The following MYO1C variants were observed in gnomAD, a reference collection of about 807,000 sequenced individuals.
The protein encoded by MYO1C is unconventional myosin-Ic.
A neutral mutation model predicts 150.8 loss-of-function variants in MYO1C; 104 were observed. The ratio of observed to expected loss-of-function variants is 0.69; its 90% CI spans 0.59 to 0.81. The LOEUF (loss-of-function observed/expected upper bound fraction) is 0.81, where lower values mean the gene tolerates loss of function less well. Among genes scored for constraint, MYO1C ranks in the 30% least tolerant of loss-of-function variants. The pLI is 0.00. For synonymous variants in MYO1C, 663 were observed against 579.9 expected, an observed-to-expected ratio of 1.14 and a Z score of -2.06; for missense variants, 1,504 against 1,435.0, an observed-to-expected ratio of 1.05 and a Z score of -0.78.
Position 1,480,869 on chromosome 17 carries a change from C to T in MYO1C, c.644G>A (p.Gly215Asp), listed in dbSNP as rs762444869. The change falls in exon 6 of 32, where the codon GGC becomes GAC. Residue 215 changes from glycine (G) to aspartate (D), a missense_variant. By Grantham distance (94) the Gly-to-Asp change is moderately conservative (BLOSUM62 -1). Coordinates refer to ENST00000648651, the MANE Select transcript of MYO1C (RefSeq NM_001080779.2). ...QFDFKGAPVGGHILSYLLEKS... is the reference protein window; with the variant it reads ...QFDFKGAPVGDHILSYLLEKS... ...TTCCAGGAGGTAACTGAGGATGTGG[C>T]CACCCACGGGGGCACCCTGTGGGCA... 2 of 1,614,062 alleles carry T rather than the reference C, an allele frequency of 1.2e-6. No homozygotes were observed. Among genetic ancestry groups the T allele is most frequent in the South Asian group, 2.2e-5 (2 of 91,078 alleles).
At chr17:1,477,853 G>T in intron 13 of MYO1C, 38 bp downstream of exon 13, 1 of 1,573,942 alleles carries the variant, frequency 6.4e-7, no homozygotes, top group Non-Finnish European at 8.7e-7. Context: ...CTCCCACCCA[G>T]CCTCCAGCAC....
rs2074585653 is a variant in MYO1C, at chr17:1,483,634, C to G, written c.323G>C (p.Ser108Thr). The change falls in exon 3 of 32, where the codon AGC becomes ACC. Residue 108 changes from serine (S) to threonine (T), a missense_variant. Coordinates refer to ENST00000648651, the MANE Select transcript of MYO1C (RefSeq NM_001080779.2). ...RQHMERYRGV[S>T]FYEVPPHLFA... is the part of the protein sequence containing the mutation. ...CAGGTGAGGGGGCACTTCATAGAAG[C>G]TGACGCCACGGTAACGCTCCATATG... The G allele has an allele frequency of 6.2e-7, 1 of 1,611,656 alleles. No individual in the cohort carries two copies. The highest frequency in any genetic ancestry group is 1.3e-5 in the African/African-American group (1 of 75,004).
chr17:1,479,858 C>T lies in MYO1C; in HGVS notation c.907-153G>A, dbSNP rs1021035441. Among the ~76,000 whole-genome samples, 1 of 151,896 alleles carries T rather than the reference C, an allele frequency of 6.6e-6. No individual in the cohort carries two copies. Among genetic ancestry groups the T allele is most frequent in the African/African-American group, 2.4e-5 (1 of 41,366 alleles). The stretch of plus-strand genomic sequence containing the variant: ...GTGTTAAAGGTGGAAGGTGATTCTG[C>T]GGGTGGGATGGGCACGGTGGCTGAC... On this transcript the variant is annotated intron_variant, in intron 7 of 31. Transcript: ENST00000648651. This position sits in a 1 kb window ranked among gnomAD's most constrained non-coding sequence, Gnocchi z 4.2.
intron 31 of MYO1C, among the ~76,000 whole-genome samples, chr17:1,466,012 G>T (rs2074162413): frequency 6.6e-6 from 1 of 152,024 alleles, no homozygotes; most frequent in South Asian, 2.1e-4. Flanking sequence ...AGTGGTGGGG[G>T]CCTAGTGGTC....
chr17:1,470,111 AG>A, intron 24 of MYO1C, 63 bp downstream of exon 24: 2 of 1,512,458 alleles, frequency 1.3e-6, no homozygotes, highest in Middle Eastern at 2.4e-4. Flanking sequence ...TTTGGCCCGA[AG>A]AAATCAGACC....
At chr17:1,469,497 C>G (rs747797019) in intron 25 of MYO1C, 34 bp downstream of exon 25, 1 of 1,537,358 alleles carries the variant, frequency 6.5e-7, no homozygotes, top group Non-Finnish European at 8.9e-7. Context: ...CCTGACTCCA[C>G]TTCCTCATCC....
At chr17:1,471,875 C>G (rs757563373) in intron 19 of MYO1C, 32 bp downstream of exon 19, 3 of 1,606,124 alleles carry the variant, frequency 1.9e-6, no homozygotes. Context: ...TCCCGCTCCC[C>G]TTCCCTGGCA....
chr17:1,471,456 G>A (rs1033465514), intron 19 of MYO1C, 120 bp from the exon 20 acceptor site: 9 of 796,994 alleles, frequency 1.1e-5, no homozygotes, highest in East Asian at 2.7e-5. Flanking sequence ...CTAGCAGGAG[G>A]CTCACTCGGT....
chr17:1,476,222 A>G (rs148087312), intron 14 of MYO1C, among the ~76,000 whole-genome samples: 2,726 of 151,016 alleles, frequency 0.018, 85 homozygotes, highest in African/African-American at 0.063. Flanking sequence ...TCTGTCATCC[A>G]GGCTGGAGTG....
chr17:1,468,836 C>G (rs1181906514), intron 25 of MYO1C: 1 of 430,518 alleles, frequency 2.3e-6, no homozygotes, highest in Non-Finnish European at 4.4e-6. Context: ...CTCAAGGTTA[C>G]TGGGTGGGCC....
rs747567515 is a variant in MYO1C at position 1,471,897 on chromosome 17, C to A, written c.2021+10G>T. On this transcript the variant is annotated intron_variant, in intron 19 of 31. Transcript: ENST00000648651. ...CCCCTTCCCTGGCACCGAGCAGGAC[C>A]TGCCCCCACCTTTGCAGGAAAGCTT... is the stretch of plus-strand genomic sequence containing the variant. 1.1e-5 allele frequency: 18 copies of A among 1,613,632 alleles called. No homozygotes were observed. Among genetic ancestry groups the A allele is most frequent in the Non-Finnish European group, 1.4e-5 (17 of 1,179,718 alleles).
chr17:1,476,394 A>C (rs1598333308), intron 14 of MYO1C, among the ~76,000 whole-genome samples: 1 of 152,334 alleles, frequency 6.6e-6, no homozygotes, highest in South Asian at 2.1e-4. Context: ...GCTGGTCTTG[A>C]ATTCCTGACC....
chr17:1,488,202 G>A (rs1047823179), intron 1 of MYO1C, among the ~76,000 whole-genome samples: 9 of 152,170 alleles, frequency 5.9e-5, no homozygotes, highest in Admixed American at 5.2e-4. Context: ...ATCCGCGCGC[G>A]GAGGGGTCGG....
In MYO1C at chr17:1,470,378, G is replaced by A. The variant is rs1008054380; in HGVS notation, c.2367-44C>T. ...CAGGGTTGGGGGTGAGGGGCCTGGC[G>A]GTGAACCACCCCCCACGCCCTGCTC... On this transcript the variant is annotated intron_variant, in intron 23 of 31. Coordinates refer to ENST00000648651, the MANE Select transcript of MYO1C (RefSeq NM_001080779.2). 3.9e-6 allele frequency: 6 copies of A among 1,543,138 alleles called. No homozygotes were observed. The Admixed American group carries it at 9.8e-5, about 25-fold the overall frequency.
rs201114121 is a variant in MYO1C at position 1,470,615 on chromosome 17, G to A, written c.2281+6C>T. ...GCCCCTCCTGAACACCCATGGGCCC[G>A]CGAACCTGATCTCTTCACCCGGAGG... On this transcript the variant is annotated splice_donor_region_variant and intron_variant, in intron 22 of 31. Coordinates refer to ENST00000648651, the MANE Select transcript of MYO1C (RefSeq NM_001080779.2). 297 of 1,545,654 alleles carry A rather than the reference G, an allele frequency of 1.9e-4. No homozygotes were observed. The highest frequency in any genetic ancestry group is 1.4e-3 in the Middle Eastern group (8 of 5,896).
Position 1,492,497 on chromosome 17 carries a change from C to G in MYO1C, c.-10G>C. On this transcript the variant is annotated 5_prime_UTR_variant, in exon 1 of 32. Coordinates refer to ENST00000648651, the MANE Select transcript of MYO1C (RefSeq NM_001080779.2). The stretch of plus-strand genomic sequence containing the variant: ...CCACTTGCAGCGCCATTCCGCCCTG[C>G]GGAGAGCCAGCGGCCTGGGCACCGC... 1 of 1,595,096 alleles carries G rather than the reference C, an allele frequency of 6.3e-7. No individual in the cohort carries two copies. The highest frequency in any genetic ancestry group is 1.1e-5 in the South Asian group (1 of 88,308).
chr17:1,486,523 G>GGT (rs572358018), intron 1 of MYO1C, among the ~76,000 whole-genome samples: 3 of 145,234 alleles, frequency 2.1e-5, no homozygotes, highest in Non-Finnish European at 4.5e-5. Flanking sequence ...TTTTTTTTCT[G>GGT]TTTTTTTTTT....
chr17:1,469,772 C>A (rs938359888), intron 24 of MYO1C, among the ~76,000 whole-genome samples, 158 bp from the exon 25 acceptor site: 1 of 152,218 alleles, frequency 6.6e-6, no homozygotes, highest in Admixed American at 6.5e-5. Flanking sequence ...CGGTGGCTCA[C>A]GCCTGGAATC....
At position 1,471,804 on chromosome 17, in the gene MYO1C, C is replaced by T. The variant is rs1598326744; in HGVS notation, c.2021+103G>A. On this transcript the variant is annotated intron_variant, in intron 19 of 31. Coordinates refer to ENST00000648651, the MANE Select transcript of MYO1C (RefSeq NM_001080779.2). Reference sequence around the variant, plus strand: ...GGGCAGCCCAGGGCCTCCGCATCCGCATTTCTAAAATGGGGCCGAGAACCC... The same window carrying T: ...GGGCAGCCCAGGGCCTCCGCATCCGTATTTCTAAAATGGGGCCGAGAACCC... 2.3e-6 allele frequency: 3 copies of T among 1,277,538 alleles called. No homozygotes were observed. The East Asian group carries it at 6.9e-5, about 30-fold the overall frequency. The allele number at this position is 1,277,538 out of a possible 1,614,324, so 79.1% of individuals were successfully genotyped here.
Sources: gnomAD v4.1 joint callset for allele counts (sites outside exome capture counted in the v4.1 genomes callset) on GRCh38, gnomAD v4.1.1 for gene constraint, Gnocchi (gnomAD v3.1) non-coding constraint, MANE v1.5 for transcripts, NCBI Gene and HGNC (gene_info 2026-07-23, HGNC 2026-07-21) for gene names.